Variants in SNX25 observed in about 807,000 individuals in gnomAD.
SNX25 encodes the protein sorting nexin-25.
Under a neutral mutation model 113.7 loss-of-function variants are expected in SNX25, and 62 were observed. The ratio of observed to expected loss-of-function variants is 0.55; its 90% confidence interval spans 0.44 to 0.67. The LOEUF (loss-of-function observed/expected upper bound fraction) is 0.67. Ranked by LOEUF, SNX25 falls within the 30% of genes least tolerant of loss-of-function variation. The probability of loss-of-function intolerance (pLI) is 0.00; values close to 1 mark genes in which losing one functional copy is unlikely to be tolerated. For missense variants in SNX25, 1,014 were observed against 1,161.0 expected (o/e 0.87, Z 1.84); for synonymous variants, 421 against 436.2 (o/e 0.97, Z 0.43).
chr4:185,304,691 G>C lies in SNX25; in HGVS notation c.1163-5944G>C, dbSNP rs148655328. On this transcript the variant is annotated intron_variant, in intron 6 of 18. Transcript: ENST00000652585. ...TTTTATAGAGACAGAGTCTTGCTGT[G>C]TTGCCCAAGCTGGTTTTAAACTCCT... 5.9e-3 allele frequency among the ~76,000 whole-genome samples: 901 copies of C among 152,088 alleles called. 6 individuals carry two copies. Among genetic ancestry groups the C allele is most frequent in the African/African-American group, 0.021 (853 of 41,494 alleles).
chr4:185,367,344 A>G, downstream of SNX25: 1 of 1,064,868 alleles, frequency 9.4e-7, no homozygotes, highest in Non-Finnish European at 1.4e-6. Context: ...TAAGAATAGT[A>G]AAGTACAGTG....
downstream of SNX25, among the ~76,000 whole-genome samples, chr4:185,371,544 A>G (rs1412679910): frequency 1.4e-5 from 2 of 144,774 alleles, no homozygotes. Flanking sequence ...TCCGTCTAAA[A>G]AAAAAAAAAA....
chr4:185,271,459 G>C (rs1748921962), intron 5 of SNX25, among the ~76,000 whole-genome samples: 1 of 152,180 alleles, frequency 6.6e-6, no homozygotes, highest in South Asian at 2.1e-4. Flanking sequence ...ATGTTGGCCA[G>C]GCTGGTCTTG....
intron 9 of SNX25, among the ~76,000 whole-genome samples, chr4:185,327,623 T>C (rs2095165651): frequency 6.6e-6 from 1 of 152,330 alleles, no homozygotes; most frequent in Admixed American, 6.5e-5. Context: ...CCTTATCTGT[T>C]TTTGTTTATT....
Position 185,209,887 on chromosome 4 carries a change from G to T in SNX25, c.61G>T (p.Ala21Ser), listed in dbSNP as rs1282598180. 25 of 983,156 alleles carry T rather than the reference G, an allele frequency of 2.5e-5. No homozygotes were observed. Among genetic ancestry groups the T allele is most frequent in the Non-Finnish European group, 3.0e-5 (25 of 829,208 alleles). 60.9% of individuals were successfully genotyped at this position (983,156 alleles called of 1,614,324 possible). The change falls in exon 1 of 19, where the codon GCC (alanine) becomes TCC (serine). Residue 21 changes from alanine (A) to serine (S), a missense_variant. Ala to Ser is a moderately conservative substitution (Grantham distance 99). Transcript: ENST00000652585. The surrounding 1 kb of genome is among the most constrained non-coding windows in gnomAD (Gnocchi z 5.2). ...CCCCAGCCCCGCGCGGGCCGCAGGC[G>T]CCGGCGGCCGTCCTGTCTCGGGCTT... is the stretch of plus-strand genomic sequence containing the variant. ...AGPSPARAAG[A>S]GGRPVSGFRG...
rs182722484 is a variant in SNX25, at chr4:185,255,294, C to T, written c.515-3554C>T. Among the ~76,000 whole-genome samples the T allele has an allele frequency of 3.5e-3, 530 of 152,090 alleles. 3 individuals are homozygous for T. The highest frequency in any genetic ancestry group is 3.2e-3 in the Admixed American group (49 of 15,276). On this transcript the variant is annotated intron_variant, in intron 2 of 18. Transcript: ENST00000652585. ...GATTACAGGCGCCTGCCACCACGCA[C>T]GGCTAATTTTTGTATTTTTAGTAAA...
intron 6 of SNX25, among the ~76,000 whole-genome samples, chr4:185,290,973 G>A (rs1350462385): frequency 6.6e-6 from 1 of 152,194 alleles, no homozygotes; most frequent in East Asian, 1.9e-4. Flanking sequence ...AAAGAACAAT[G>A]GTTAGTGCTT....
intron 1 of SNX25, among the ~76,000 whole-genome samples, chr4:185,228,870 C>T (rs1741404658): frequency 6.6e-6 from 1 of 152,142 alleles, no homozygotes; most frequent in African/African-American, 2.4e-5. Flanking sequence ...TACTGTTATC[C>T]CCATTGTATG....
chr4:185,219,922 T>TTTC (rs397961928), intron 1 of SNX25, among the ~76,000 whole-genome samples: 74 of 151,744 alleles, frequency 4.9e-4, no homozygotes, highest in African/African-American at 1.8e-3. Flanking sequence ...TTTTTTTTTT[T>TTTC]CTGATTTTTT....
At chr4:185,356,384 T>A (rs191897020) in intron 15 of SNX25, among the ~76,000 whole-genome samples, 275 of 152,268 alleles carry the variant, frequency 1.8e-3, no homozygotes, top group African/African-American at 6.0e-3. Flanking sequence ...ATGAGCCACC[T>A]CTTTCCTGCC....
At chr4:185,333,016 A>G (rs780640007) in intron 10 of SNX25, among the ~76,000 whole-genome samples, 1 of 152,314 alleles carries the variant, frequency 6.6e-6, no homozygotes, top group East Asian at 1.9e-4. Flanking sequence ...CCTTTGGAGA[A>G]GGGGCAAAGC....
intron 6 of SNX25, among the ~76,000 whole-genome samples, chr4:185,302,311 G>C (rs1382442359): frequency 6.6e-6 from 1 of 152,114 alleles, no homozygotes; most frequent in Non-Finnish European, 1.5e-5. Flanking sequence ...AGAGGGGGCT[G>C]TGGGAACCCT....
At chr4:185,289,455 G>C (rs1404458800) in intron 6 of SNX25, among the ~76,000 whole-genome samples, 1 of 152,148 alleles carries the variant, frequency 6.6e-6, no homozygotes, top group Non-Finnish European at 1.5e-5. Context: ...GGGGGTATCT[G>C]GAGAAGGGCA....
At chr4:185,373,228 C>T, downstream of SNX25, 3 of 705,588 alleles carry the variant, frequency 4.3e-6, no homozygotes, top group Non-Finnish European at 7.0e-6. Flanking sequence ...GCATTTCACA[C>T]TAGCACACAT....
downstream of SNX25, chr4:185,370,702 A>G (rs779623755): frequency 1.2e-5 from 19 of 1,613,928 alleles, no homozygotes; most frequent in Admixed American, 1.7e-4. Flanking sequence ...AGCTGAAGAC[A>G]CCTTGCGTGG....
intron 5 of SNX25, 57 bp downstream of exon 5, chr4:185,267,212 G>C: frequency 7.1e-7 from 1 of 1,416,786 alleles, no homozygotes; most frequent in African/African-American, 1.5e-5. Flanking sequence ...CCCCTGCCTA[G>C]TTAGGTTAAA....
chr4:185,353,610 T>G lies in SNX25; in HGVS notation c.2584+8T>G, dbSNP rs758514550. On this transcript the variant is annotated splice_region_variant and intron_variant, in intron 15 of 18. Transcript: ENST00000652585. ...TTTTTGAACTTCGAGGAAGTAAGCTTCTTTGTTATTATTTAGTGGTATTTG... is the reference window on the plus strand; with the variant it reads ...TTTTTGAACTTCGAGGAAGTAAGCTGCTTTGTTATTATTTAGTGGTATTTG... 2.5e-6 allele frequency: 4 copies of G among 1,602,824 alleles called. No homozygotes were observed. The highest frequency in any genetic ancestry group is 1.7e-4 in the Middle Eastern group (1 of 6,042).
At chr4:185,205,139 A>C (rs1737130236), upstream of SNX25, among the ~76,000 whole-genome samples, 1 of 152,242 alleles carries the variant, frequency 6.6e-6, no homozygotes, top group Non-Finnish European at 1.5e-5. Context: ...CAAAAGTATA[A>C]TCAATTCTCT....
intron 6 of SNX25, among the ~76,000 whole-genome samples, chr4:185,306,099 T>TCA (rs959068105): frequency 6.6e-6 from 1 of 152,206 alleles, no homozygotes; most frequent in Non-Finnish European, 1.5e-5. Context: ...CGGGGTGTTG[T>TCA]CACACACCCA....
Sources: allele counts gnomAD v4.1 joint callset (sites outside exome capture counted in the v4.1 genomes callset), GRCh38; gene constraint gnomAD v4.1.1; non-coding constraint Gnocchi (gnomAD v3.1); transcripts MANE v1.5; gene names NCBI Gene and HGNC (gene_info 2026-07-23, HGNC 2026-07-21).